Variants in PROX1 observed in about 807,000 individuals in gnomAD.
PROX1 encodes the protein prospero homeobox protein 1.
In PROX1, 7 loss-of-function variants were observed where a neutral mutation model predicts 58.8. The ratio of observed to expected loss-of-function variants is 0.12; its 90% CI spans 0.07 to 0.22. PROX1 has a LOEUF of 0.22. Among genes scored for constraint, PROX1 ranks in the 10% least tolerant of loss-of-function variants. The probability of loss-of-function intolerance (pLI) is 1.00; values close to 1 mark genes in which losing one functional copy is unlikely to be tolerated. For missense variants in PROX1, 675 were observed against 927.8 expected (o/e 0.73, Z 3.54); for synonymous variants, 350 against 358.3 (o/e 0.98, Z 0.26).
intron 4 of PROX1, among the ~76,000 whole-genome samples, chr1:214,020,037 TC>T (rs1382343167): frequency 6.6e-6 from 1 of 152,016 alleles, no homozygotes; most frequent in Non-Finnish European, 1.5e-5. Context: ...CTACTTTTTT[TC>T]CCCCAAATGA....
rs1193144755 is a variant in PROX1, at chr1:214,037,436, T to C, written c.*1602T>C. On this transcript the variant is annotated 3_prime_UTR_variant, in exon 5 of 5. Transcript: ENST00000366958. The stretch of plus-strand genomic sequence containing the variant: ...AAGAATTACATTTGACTTTGGAGAA[T>C]ACAGGTCTTGACCCATGTGACTGAC... 6.6e-6 allele frequency: 1 copy of C among 152,240 alleles called. No individual in the cohort carries two copies. Among genetic ancestry groups the C allele is most frequent in the African/African-American group, 2.4e-5 (1 of 41,464 alleles). The allele number at this position is 152,240 out of a possible 1,614,324, so 9.4% of individuals were successfully genotyped here. A position where few individuals can be genotyped will look rare whatever the true frequency, so the allele number is the denominator to read the frequency against.
Position 213,998,138 on chromosome 1 carries a change from C to T in PROX1, c.1603C>T (p.His535Tyr). Reference sequence around the variant, plus strand: ...CAAGATGTCATCTCACCACCTGAGCCACCACCCTTGTTCACCAGCACACCC... The same window carrying T: ...CAAGATGTCATCTCACCACCTGAGCTACCACCCTTGTTCACCAGCACACCC... ...RTKMSSHHLS[H>Y]HPCSPAHPPS... is the part of the protein sequence containing the mutation. Residue 535 changes from histidine (H) to tyrosine (Y), a missense_variant, in exon 2 of 5, where the codon CAC (histidine) becomes TAC (tyrosine). This residue lies in a region of PROX1 where 403 missense variants were observed against 477.4 expected (regional missense o/e 0.84). Transcript: ENST00000366958. The T allele has an allele frequency of 6.2e-7, 1 of 1,614,240 alleles. No individual in the cohort carries two copies. The highest frequency in any genetic ancestry group is 8.5e-7 in the Non-Finnish European group (1 of 1,180,044).
At chr1:214,027,690 C>T (rs1310906293) in intron 4 of PROX1, among the ~76,000 whole-genome samples, 1 of 152,170 alleles carries the variant, frequency 6.6e-6, no homozygotes, top group Non-Finnish European at 1.5e-5. Flanking sequence ...CGTTTTGAAA[C>T]TGTCTTTATC....
intron 4 of PROX1, among the ~76,000 whole-genome samples, chr1:214,027,873 TAA>T: frequency 6.6e-6 from 1 of 151,524 alleles, no homozygotes; most frequent in East Asian, 1.9e-4. Context: ...TATATATATA[TAA>T]AAGAGATACA....
upstream of PROX1, chr1:213,983,896 T>C (rs1662761355): frequency 6.6e-6 from 1 of 152,254 alleles, no homozygotes; most frequent in African/African-American, 2.4e-5. Context: ...AGGCAAGTTA[T>C]GTCAGGGAGC....
chr1:213,986,257 T>G (rs1662822564), upstream of PROX1: 1 of 145,696 alleles, frequency 6.9e-6, no homozygotes, highest in South Asian at 2.3e-4. Context: ...GTGGGGGGAG[T>G]GTGTGGGGGC....
intron 1 of PROX1, among the ~76,000 whole-genome samples, chr1:213,995,101 T>A (rs1169408538): frequency 6.6e-6 from 1 of 152,058 alleles, no homozygotes; most frequent in Non-Finnish European, 1.5e-5. Context: ...TTCCAGACAC[T>A]CTGCATGCTG....
chr1:214,016,845 T>G (rs1216990468), intron 4 of PROX1, among the ~76,000 whole-genome samples: 1 of 152,200 alleles, frequency 6.6e-6, no homozygotes, highest in Non-Finnish European at 1.5e-5. Flanking sequence ...ATCAGTATAA[T>G]GAAGCGGGCC....
At chr1:214,008,400 C>CA (rs1663793310) in intron 3 of PROX1, among the ~76,000 whole-genome samples, 2 of 144,766 alleles carry the variant, frequency 1.4e-5, no homozygotes, top group South Asian at 4.3e-4. Flanking sequence ...CAAGCAAAAA[C>CA]AAAAAACAAA....
chr1:214,041,041 A>G lies in PROX1; in HGVS notation c.*5207A>G, dbSNP rs1664993537. ...GCAGCTACTAAATTTTAAAACAGGA[A>G]AAAAAAAAGTTGTTGTGGGGAGGGT... On this transcript the variant is annotated 3_prime_UTR_variant, in exon 5 of 5. Coordinates refer to ENST00000366958, the MANE Select transcript of PROX1 (RefSeq NM_001270616.2). 6.9e-6 allele frequency: 1 copy of G among 145,474 alleles called. No individual in the cohort carries two copies. The highest frequency in any genetic ancestry group is 1.6e-5 in the Non-Finnish European group (1 of 64,134). The allele number at this position is 145,474 out of a possible 1,614,324, so 9.0% of individuals were successfully genotyped here. A position where few individuals can be genotyped will look rare whatever the true frequency, so the allele number is the denominator to read the frequency against.
chr1:214,036,916 T>A lies in PROX1; in HGVS notation c.*1082T>A, dbSNP rs1664847491. 1 of 152,224 alleles carries A rather than the reference T, an allele frequency of 6.6e-6. No homozygotes were observed. The highest frequency in any genetic ancestry group is 2.4e-5 in the African/African-American group (1 of 41,462). The allele number at this position is 152,224 out of a possible 1,614,324, so 9.4% of individuals were successfully genotyped here. ...TATTTTCACAAGCAATTCCACACTA[T>A]CCTGATGGGTATGCAAAGTGGTGAC... On this transcript the variant is annotated 3_prime_UTR_variant, in exon 5 of 5. Transcript: ENST00000366958.
At chr1:214,034,173 C>T (rs1239885952) in intron 4 of PROX1, among the ~76,000 whole-genome samples, 1 of 152,162 alleles carries the variant, frequency 6.6e-6, no homozygotes, top group Non-Finnish European at 1.5e-5. Context: ...CAATGAACTT[C>T]TTTGTCCAAT....
At chr1:213,993,203 G>A (rs1479453660) in intron 1 of PROX1, among the ~76,000 whole-genome samples, 2 of 152,184 alleles carry the variant, frequency 1.3e-5, no homozygotes, top group Non-Finnish European at 2.9e-5. Flanking sequence ...TACAGGAATA[G>A]AGTAAGTGTA....
chr1:214,010,931 G>A (rs546661131), intron 3 of PROX1, among the ~76,000 whole-genome samples: 6 of 152,246 alleles, frequency 3.9e-5, no homozygotes, highest in South Asian at 2.1e-4. Flanking sequence ...CATGAATGCC[G>A]TGGGCAAACA....
intron 1 of PROX1, among the ~76,000 whole-genome samples, chr1:213,990,160 GAAA>G (rs375885107): frequency 7.1e-6 from 1 of 139,952 alleles, no homozygotes; most frequent in Non-Finnish European, 1.6e-5. Context: ...AGAAAGAAAA[GAAA>G]AAAAAAAGAA....
At chr1:214,034,915 G>A (rs1238230769) in intron 4 of PROX1, among the ~76,000 whole-genome samples, 2 of 151,768 alleles carry the variant, frequency 1.3e-5, no homozygotes, top group African/African-American at 2.4e-5. Context: ...AACATAGCCT[G>A]GCAAGTAGTA....
At chr1:214,004,921 A>T (rs897044898) in intron 2 of PROX1, among the ~76,000 whole-genome samples, 7 of 152,228 alleles carry the variant, frequency 4.6e-5, no homozygotes, top group Non-Finnish European at 1.0e-4. Context: ...ACCCTAAAGT[A>T]GCCAAGATTC....
In PROX1 at chr1:213,998,028, G is replaced by T; in HGVS notation, c.1493G>T (p.Gly498Val). 6.2e-7 allele frequency: 1 copy of T among 1,612,304 alleles called. No individual in the cohort carries two copies. Among genetic ancestry groups the T allele is most frequent in the East Asian group, 2.2e-5 (1 of 44,828 alleles). ...LMAYPFQSPLGAPSGSFSGKD... is the reference protein window; with the variant it reads ...LMAYPFQSPLVAPSGSFSGKD... ...GCCTATCCATTTCAGAGCCCATTAG[G>T]TGCTCCCTCCGGCTCCTTCTCTGGA... is the stretch of plus-strand genomic sequence containing the variant. Residue 498 changes from glycine (G) to valine (V), a missense_variant, in exon 2 of 5, where the codon GGT becomes GTT. By Grantham distance (109) the Gly-to-Val change is moderately radical (BLOSUM62 -3). This residue lies in a region of PROX1 where 403 missense variants were observed against 477.4 expected (regional missense o/e 0.84). Coordinates refer to ENST00000366958, the MANE Select transcript of PROX1 (RefSeq NM_001270616.2).
chr1:213,987,846 C>T (rs1247275037), upstream of PROX1: 1 of 151,216 alleles, frequency 6.6e-6, no homozygotes, highest in Non-Finnish European at 1.5e-5. Context: ...TGCTATCCCC[C>T]CTTGAATCCG....
Sources: allele counts gnomAD v4.1 joint callset (sites outside exome capture counted in the v4.1 genomes callset), GRCh38; gene constraint gnomAD v4.1.1; regional missense constraint gnomAD v4.1.1; transcripts MANE v1.5; gene names NCBI Gene and HGNC (gene_info 2026-07-23, HGNC 2026-07-21).